COLEC12: variants seen among roughly 807,000 people sequenced by gnomAD.
The protein encoded by COLEC12 is collectin-12.
In COLEC12, 33 loss-of-function variants were observed where a neutral mutation model predicts 71.1. The observed-to-expected ratio is 0.46, with a 90% CI of 0.35 to 0.62. The LOEUF is 0.62. Among genes scored for constraint, COLEC12 ranks in the 20% least tolerant of loss-of-function variants. COLEC12 has a pLI of 0.00. For synonymous variants in COLEC12, 350 were observed against 353.0 expected (o/e 0.99, Z 0.10); for missense variants, 765 against 916.1 (o/e 0.84, Z 2.13).
chr18:374,522 G>T (rs1915071419), intron 2 of COLEC12, among the ~76,000 whole-genome samples: 1 of 152,154 alleles, frequency 6.6e-6, no homozygotes, highest in African/African-American at 2.4e-5. Flanking sequence ...GGAGATCCAT[G>T]GGCTCTAGAA....
chr18:346,829 A>AGCTCTGCAC lies in COLEC12; in HGVS notation c.784_792dup (p.Val262_Ser264dup). 6.2e-7 allele frequency: 1 copy of AGCTCTGCAC among 1,614,160 alleles called. No individual in the cohort carries two copies. The highest frequency in any genetic ancestry group is 8.5e-7 in the Non-Finnish European group (1 of 1,179,980). ...GAGTTGTTGGCAGCCAGCGTCTGCA[A>AGCTCTGCAC]GCTCTGCACTTTCTCCTTCAGCCAA... On this transcript the variant is annotated inframe_insertion, in exon 5 of 10. Coordinates refer to ENST00000400256, the MANE Select transcript of COLEC12 (RefSeq NM_130386.3). The surrounding 1 kb of genome is among the most constrained non-coding windows in gnomAD (Gnocchi z 4.0).
At chr18:458,866 T>C (rs1174210029) in intron 2 of COLEC12, among the ~76,000 whole-genome samples, 2 of 152,348 alleles carry the variant, frequency 1.3e-5, no homozygotes, top group East Asian at 3.9e-4. Context: ...GACAGGGTCT[T>C]GCTCTGTCAC....
chr18:374,554 C>T (rs1431851021), intron 2 of COLEC12, among the ~76,000 whole-genome samples: 2 of 152,180 alleles, frequency 1.3e-5, no homozygotes, highest in South Asian at 2.1e-4. Flanking sequence ...GCCTGAGGCT[C>T]GGAACTTGTG....
At chr18:364,383 C>T (rs1914812842) in intron 2 of COLEC12, among the ~76,000 whole-genome samples, 1 of 152,200 alleles carries the variant, frequency 6.6e-6, no homozygotes, top group African/African-American at 2.4e-5. Context: ...GAACTGTCCA[C>T]AAATGCTTTC....
At position 449,122 on chromosome 18, in the gene COLEC12, C is replaced by A. The variant is rs200058277; in HGVS notation, c.58+31585G>T. Among the ~76,000 whole-genome samples, 4 of 151,816 alleles carry A rather than the reference C, an allele frequency of 2.6e-5. No individual in the cohort carries two copies. The East Asian group carries it at 7.7e-4, about 29-fold the overall frequency. ...ATTAGAATGTTATAGTAAAATATAA[C>A]AATAAAAGTGGACTTTAAGGTAGAA... On this transcript the variant is annotated intron_variant, in intron 2 of 9. Coordinates refer to ENST00000400256, the MANE Select transcript of COLEC12 (RefSeq NM_130386.3).
intron 1 of COLEC12, among the ~76,000 whole-genome samples, chr18:492,831 CGTTTTG>C (rs1488078449): frequency 2.0e-5 from 3 of 152,138 alleles, no homozygotes; most frequent in African/African-American, 7.2e-5. Flanking sequence ...GTTGGACCAA[CGTTTTG>C]AGTTTAAGAG....
intron 2 of COLEC12, among the ~76,000 whole-genome samples, chr18:436,989 C>A (rs1317899221): frequency 6.6e-6 from 1 of 152,178 alleles, no homozygotes; most frequent in African/African-American, 2.4e-5. Context: ...TCATAACACA[C>A]AATTACATGA....
chr18:460,067 A>T (rs1376051604), intron 2 of COLEC12, among the ~76,000 whole-genome samples: 1 of 151,956 alleles, frequency 6.6e-6, no homozygotes, highest in Non-Finnish European at 1.5e-5. Flanking sequence ...GAAAAAAAAA[A>T]GAAAATAGAC....
At position 319,341 on chromosome 18, in the gene COLEC12, A is replaced by AT. The variant is rs61291034; in HGVS notation, c.*703_*704insA. ...AACATTAAAAAAAAAAAAAAAAAAA[A>AT]ATATATATATATATATATATATACA... On this transcript the variant is annotated 3_prime_UTR_variant, in exon 10 of 10. Coordinates refer to ENST00000400256, the MANE Select transcript of COLEC12 (RefSeq NM_130386.3). 6.3e-3 allele frequency: 419 copies of AT among 66,996 alleles called. 5 individuals carry two copies. The highest frequency in any genetic ancestry group is 0.019 in the African/African-American group (397 of 20,384). The allele number at this position is 66,996 out of a possible 1,614,324, so 4.2% of individuals were successfully genotyped here.
At chr18:444,660 AAGGTTAAAAT>A (rs1182352559) in intron 2 of COLEC12, among the ~76,000 whole-genome samples, 3 of 152,298 alleles carry the variant, frequency 2.0e-5, no homozygotes, top group East Asian at 3.9e-4. Flanking sequence ...GGGGAGAGAA[AAGGTTAAAAT>A]AGGTTAAAAT....
intron 2 of COLEC12, among the ~76,000 whole-genome samples, chr18:371,266 A>G (rs1207888174): frequency 2.0e-5 from 3 of 152,244 alleles, no homozygotes; most frequent in Non-Finnish European, 4.4e-5. Context: ...TTATAAAATT[A>G]GAAGCACTCA....
chr18:416,240 T>A (rs1047767598), intron 2 of COLEC12, among the ~76,000 whole-genome samples: 1 of 152,004 alleles, frequency 6.6e-6, no homozygotes, highest in Non-Finnish European at 1.5e-5. Context: ...GATTGTTTCA[T>A]CAAAAAGAAA....
chr18:453,810 T>C (rs759577805), intron 2 of COLEC12, among the ~76,000 whole-genome samples: 1 of 152,168 alleles, frequency 6.6e-6, no homozygotes, highest in Non-Finnish European at 1.5e-5. Context: ...CTTCAATAAA[T>C]GTACCCCTGT....
intron 1 of COLEC12, among the ~76,000 whole-genome samples, chr18:483,364 C>CTCCA (rs1282238422): frequency 6.7e-6 from 1 of 149,558 alleles, no homozygotes; most frequent in Non-Finnish European, 1.5e-5. Context: ...GCCAACTACA[C>CTCCA]TCCAGCCTGA....
intron 2 of COLEC12, among the ~76,000 whole-genome samples, chr18:418,670 G>C (rs555280905): frequency 9.2e-5 from 14 of 152,220 alleles, no homozygotes; most frequent in African/African-American, 2.9e-4. Flanking sequence ...ACCTCTGGTC[G>C]TCCTGACTGC....
In COLEC12 at chr18:334,998, C is replaced by T. The variant is rs760722162; in HGVS notation, c.1560G>A (p.Gln520=). The T allele has an allele frequency of 1.0e-5, 16 of 1,581,420 alleles. No individual in the cohort carries two copies. Among genetic ancestry groups the T allele is most frequent in the Non-Finnish European group, 8.5e-6 (10 of 1,170,020 alleles). Residue 520 remains glutamine (Q), a synonymous_variant, in exon 6 of 10, where the codon CAG becomes CAA. Transcript: ENST00000400256. ...SRGSPGKPGP[Q]GSSGDPGPPG... ...GGGGGCCTGGGTCCCCACTGGAGCC[C>T]TGAGGGCCGGGCTTCCCAGGGGAAC...
intron 2 of COLEC12, among the ~76,000 whole-genome samples, chr18:387,662 C>T (rs975915723): frequency 2.6e-5 from 4 of 152,130 alleles, no homozygotes; most frequent in South Asian, 2.1e-4. Context: ...CAACCATATA[C>T]GGCTGTGTAT....
chr18:459,151 C>T (rs559765513), intron 2 of COLEC12, among the ~76,000 whole-genome samples: 5 of 152,336 alleles, frequency 3.3e-5, no homozygotes, highest in African/African-American at 1.2e-4. Flanking sequence ...CCAGACCTGG[C>T]ACTCAGATAA....
intron 2 of COLEC12, among the ~76,000 whole-genome samples, chr18:383,883 A>G (rs1179649132): frequency 2.0e-5 from 3 of 152,206 alleles, no homozygotes; most frequent in Non-Finnish European, 2.9e-5. Context: ...GTGAAGGAGG[A>G]GCAAAGTCAC....
Sources: gnomAD v4.1 joint callset for allele counts (sites outside exome capture counted in the v4.1 genomes callset) on GRCh38, gnomAD v4.1.1 for gene constraint, Gnocchi (gnomAD v3.1) non-coding constraint, MANE v1.5 for transcripts, NCBI Gene and HGNC (gene_info 2026-07-23, HGNC 2026-07-21) for gene names.